Variants in INSYN2B observed in about 807,000 individuals in gnomAD.
INSYN2B encodes the protein inhibitory synaptic factor family member 2B.
Under a neutral mutation model 41.2 loss-of-function variants are expected in INSYN2B, and 16 were observed. The observed-to-expected ratio is 0.39, with a 90% CI of 0.26 to 0.59. The LOEUF (loss-of-function observed/expected upper bound fraction) is 0.59, where lower values mean the gene tolerates loss of function less well. Among genes scored for constraint, INSYN2B ranks in the 20% least tolerant of loss-of-function variants. The probability of loss-of-function intolerance (pLI) is 0.57; values close to 1 mark genes in which losing one functional copy is unlikely to be tolerated. For synonymous variants in INSYN2B, 245 were observed against 244.4 expected (o/e 1.00, Z -0.02); for missense variants, 608 against 646.4 (o/e 0.94, Z 0.64).
At chr5:169,898,619 G>A (rs934916884) in intron 1 of INSYN2B, among the ~76,000 whole-genome samples, 18 of 152,254 alleles carry the variant, frequency 1.2e-4, no homozygotes, top group African/African-American at 4.3e-4. Flanking sequence ...TCTTAACATA[G>A]TGTCTATCTT....
At chr5:169,902,125 T>C (rs1364945753) in intron 1 of INSYN2B, among the ~76,000 whole-genome samples, 1 of 152,160 alleles carries the variant, frequency 6.6e-6, no homozygotes, top group African/African-American at 2.4e-5. Flanking sequence ...GTTAATGCCA[T>C]CTATCAGAAA....
intron 1 of INSYN2B, among the ~76,000 whole-genome samples, chr5:169,922,916 C>T (rs1416746608): frequency 6.6e-6 from 1 of 152,184 alleles, no homozygotes; most frequent in Non-Finnish European, 1.5e-5. Flanking sequence ...AACACCTGTA[C>T]AGTACAGTGT....
chr5:169,905,293 G>GT (rs35677067), intron 1 of INSYN2B, among the ~76,000 whole-genome samples: 97,514 of 146,066 alleles, frequency 0.67, 32,421 homozygotes, highest in East Asian at 0.75. Flanking sequence ...TAGAGCCAGT[G>GT]TTTTTTTTTT....
intron 1 of INSYN2B, among the ~76,000 whole-genome samples, chr5:169,907,305 A>T (rs1774337724): frequency 6.6e-6 from 1 of 152,182 alleles, no homozygotes; most frequent in Non-Finnish European, 1.5e-5. Context: ...TTTTAGGAGA[A>T]GATTCTGCTT....
chr5:169,918,010 C>T (rs1774968792), intron 1 of INSYN2B, among the ~76,000 whole-genome samples: 1 of 152,178 alleles, frequency 6.6e-6, no homozygotes, highest in Non-Finnish European at 1.5e-5. Context: ...TTCTGCCTTT[C>T]AGCAAGGAAA....
intron 1 of INSYN2B, among the ~76,000 whole-genome samples, chr5:169,959,509 A>G (rs1199906600): frequency 1.3e-5 from 2 of 152,206 alleles, no homozygotes; most frequent in African/African-American, 4.8e-5. Context: ...AGAACTTTCT[A>G]ACAATTCTAA....
At chr5:169,867,525 T>A (rs1229568724) in intron 3 of INSYN2B, among the ~76,000 whole-genome samples, 1 of 152,212 alleles carries the variant, frequency 6.6e-6, no homozygotes, top group African/African-American at 2.4e-5. Flanking sequence ...CTATCTATCA[T>A]CTATCATCTA....
intron 1 of INSYN2B, among the ~76,000 whole-genome samples, chr5:169,910,432 C>T (rs891971970): frequency 6.6e-6 from 1 of 152,186 alleles, no homozygotes; most frequent in Non-Finnish European, 1.5e-5. Context: ...TGCTTACTCT[C>T]TTAACTTTTT....
At chr5:169,950,306 T>A (rs1419245039) in intron 1 of INSYN2B, among the ~76,000 whole-genome samples, 1 of 152,210 alleles carries the variant, frequency 6.6e-6, no homozygotes, top group Non-Finnish European at 1.5e-5. Context: ...ACCTTCCTCA[T>A]AGGGTTGTTT....
intron 1 of INSYN2B, among the ~76,000 whole-genome samples, chr5:169,953,470 C>T (rs1204659941): frequency 2.0e-5 from 3 of 152,260 alleles, no homozygotes; most frequent in African/African-American, 7.2e-5. Context: ...CCGCAATTCC[C>T]TTGTTTATGA....
At chr5:169,864,794 C>G (rs978717957) in intron 3 of INSYN2B, among the ~76,000 whole-genome samples, 1 of 152,096 alleles carries the variant, frequency 6.6e-6, no homozygotes, top group Admixed American at 6.6e-5. Context: ...AAAACTGTCT[C>G]ATTATTAAAA....
intron 1 of INSYN2B, among the ~76,000 whole-genome samples, chr5:169,933,293 G>T (rs2113687423): frequency 6.6e-6 from 1 of 152,318 alleles, no homozygotes; most frequent in East Asian, 1.9e-4. Context: ...TGTCAGCCCT[G>T]GCTGCACATT....
chr5:169,885,168 G>A (rs1561795289), intron 1 of INSYN2B, among the ~76,000 whole-genome samples: 2 of 152,208 alleles, frequency 1.3e-5, no homozygotes, highest in South Asian at 2.1e-4. Context: ...GTACATCCTC[G>A]TCACATTTTT....
chr5:169,967,603 A>C (rs1777350117), intron 1 of INSYN2B, among the ~76,000 whole-genome samples: 1 of 152,174 alleles, frequency 6.6e-6, no homozygotes, highest in Non-Finnish European at 1.5e-5. Context: ...TCTGTGAGTA[A>C]GTGGAGTCTA....
At chr5:169,976,218 C>A (rs1324790480) in intron 1 of INSYN2B, among the ~76,000 whole-genome samples, 1 of 152,244 alleles carries the variant, frequency 6.6e-6, no homozygotes, top group Non-Finnish European at 1.5e-5. Context: ...CAAATCTCTG[C>A]CCATGAGAGT....
chr5:169,931,299 A>G (rs922419918), intron 1 of INSYN2B, among the ~76,000 whole-genome samples: 3 of 152,246 alleles, frequency 2.0e-5, no homozygotes, highest in African/African-American at 7.2e-5. Context: ...AAAGCCATCA[A>G]AGTACAGGTC....
At chr5:169,899,101 G>A (rs1233947151) in intron 1 of INSYN2B, among the ~76,000 whole-genome samples, 1 of 152,188 alleles carries the variant, frequency 6.6e-6, no homozygotes, top group Non-Finnish European at 1.5e-5. Context: ...TTCTCAAATG[G>A]CTGATTTGTG....
chr5:169,953,583 G>A (rs564488257), intron 1 of INSYN2B, among the ~76,000 whole-genome samples: 44 of 152,286 alleles, frequency 2.9e-4, no homozygotes, highest in African/African-American at 1.0e-3. Context: ...ATTATTAATA[G>A]CATTAGACGA....
chr5:169,952,925 G>C (rs1331740623), intron 1 of INSYN2B, among the ~76,000 whole-genome samples: 1 of 152,154 alleles, frequency 6.6e-6, no homozygotes, highest in African/African-American at 2.4e-5. Flanking sequence ...GCCTCAGATA[G>C]GGAGAAAACA....
Sources: gnomAD v4.1 joint callset for allele counts (sites outside exome capture counted in the v4.1 genomes callset) on GRCh38, gnomAD v4.1.1 for gene constraint, MANE v1.5 for transcripts, NCBI Gene and HGNC (gene_info 2026-07-23, HGNC 2026-07-21) for gene names.